The following KPNA4 variants were observed in gnomAD, a reference collection of about 807,000 sequenced individuals.
The protein encoded by KPNA4 is importin subunit alpha-3.
In KPNA4, 13 loss-of-function variants were observed where a neutral mutation model predicts 71.3. The observed-to-expected ratio is 0.18, with a 90% CI of 0.12 to 0.29. The LOEUF (loss-of-function observed/expected upper bound fraction) is 0.29, where lower values mean the gene tolerates loss of function less well. Ranked by LOEUF, KPNA4 falls within the 10% of genes least tolerant of loss-of-function variation. The pLI, the probability that KPNA4 is intolerant of heterozygous loss-of-function variation, is 1.00. For missense variants in KPNA4, 334 were observed against 603.2 expected (o/e 0.55, Z 4.67); for synonymous variants, 189 against 195.2 (o/e 0.97, Z 0.26).
chr3:160,528,391 AGTCTCACTCT>A (rs1345026397), intron 7 of KPNA4, among the ~76,000 whole-genome samples: 1 of 151,556 alleles, frequency 6.6e-6, no homozygotes, highest in Non-Finnish European at 1.5e-5. Flanking sequence ...TTTGAGACGG[AGTCTCACTCT>A]GTCATCCAGG....
intron 1 of KPNA4, among the ~76,000 whole-genome samples, chr3:160,542,495 T>C (rs569253236): frequency 6.6e-5 from 10 of 152,298 alleles, no homozygotes; most frequent in African/African-American, 2.2e-4. Flanking sequence ...TGCCTAACAC[T>C]GTTAAATGCT....
chr3:160,555,542 TTAA>T lies in KPNA4; in HGVS notation c.69+9669_69+9671del, dbSNP rs540411107. Among the ~76,000 whole-genome samples the T allele has an allele frequency of 3.4e-3, 513 of 152,252 alleles. 4 individuals carry two copies. The highest frequency in any genetic ancestry group is 0.01 in the African/African-American group (435 of 41,564). Reference sequence around the variant, plus strand: ...TTTATCAATTAGGCACAGTAAGAGATTAATAATAATAAAATGGAACAATTATAA... The same window carrying T: ...TTTATCAATTAGGCACAGTAAGAGATTAATAATAAAATGGAACAATTATAA... On this transcript the variant is annotated intron_variant, in intron 1 of 16. Coordinates refer to ENST00000334256, the MANE Select transcript of KPNA4 (RefSeq NM_002268.5).
intron 1 of KPNA4, among the ~76,000 whole-genome samples, chr3:160,545,220 CAGAAA>C (rs747732870): frequency 4.6e-5 from 7 of 152,256 alleles, no homozygotes; most frequent in Non-Finnish European, 8.8e-5. Context: ...AACTTAGCAA[CAGAAA>C]AATCTTCATT....
chr3:160,531,352 T>C (rs1721570273), intron 6 of KPNA4, 110 bp downstream of exon 6: 1 of 546,164 alleles, frequency 1.8e-6, no homozygotes, highest in Non-Finnish European at 3.0e-6. Flanking sequence ...TTCAACTCCA[T>C]CCCATAGCCC....
chr3:160,519,429 A>G (rs1477332523), intron 11 of KPNA4, among the ~76,000 whole-genome samples: 1 of 152,224 alleles, frequency 6.6e-6, no homozygotes, highest in African/African-American at 2.4e-5. Context: ...GCAGTAAATA[A>G]AATCCAGATA....
At chr3:160,519,657 C>T (rs376770480) in intron 11 of KPNA4, among the ~76,000 whole-genome samples, 220 of 151,182 alleles carry the variant, frequency 1.5e-3, no homozygotes, top group South Asian at 9.2e-3. Flanking sequence ...TAGCCGGGCG[C>T]GGTGGTGGGC....
Position 160,502,195 on chromosome 3 carries a change from T to C in KPNA4, c.1475A>G (p.Glu492Gly). The C allele has an allele frequency of 6.4e-7, 1 of 1,562,396 alleles. No individual in the cohort carries two copies. ...DQFFSSDDID[E>G]DPSLVPEAIQ... Reference sequence around the variant, plus strand: ...TGCCTCTGGAACAAGGCTAGGGTCTTCATCAATCTAGGTGAAAAAAAAGAA... The same window carrying C: ...TGCCTCTGGAACAAGGCTAGGGTCTCCATCAATCTAGGTGAAAAAAAAGAA... The change falls in exon 17 of 17, where the codon GAA becomes GGA. Residue 492 changes from glutamate (E) to glycine (G), a missense_variant. By Grantham distance (98) the Glu-to-Gly change is moderately conservative. Coordinates refer to ENST00000334256, the MANE Select transcript of KPNA4 (RefSeq NM_002268.5).
chr3:160,546,944 G>T (rs1290643956), intron 1 of KPNA4, among the ~76,000 whole-genome samples: 2 of 152,068 alleles, frequency 1.3e-5, no homozygotes, highest in Non-Finnish European at 2.9e-5. Context: ...GCCCTTCTTT[G>T]GTCTCTTAAG....
At chr3:160,551,420 G>A (rs774252219) in intron 1 of KPNA4, among the ~76,000 whole-genome samples, 5 of 152,304 alleles carry the variant, frequency 3.3e-5, no homozygotes, top group Non-Finnish European at 7.4e-5. Flanking sequence ...TGTGATTAGT[G>A]AAAACTTAAC....
At chr3:160,562,136 G>A (rs1182789238) in intron 1 of KPNA4, among the ~76,000 whole-genome samples, 1 of 152,042 alleles carries the variant, frequency 6.6e-6, no homozygotes, top group East Asian at 1.9e-4. Context: ...CTCTGTACAT[G>A]GGCTGTTCCA....
intron 1 of KPNA4, among the ~76,000 whole-genome samples, chr3:160,560,420 A>C (rs1443988793): frequency 6.6e-6 from 1 of 152,082 alleles, no homozygotes; most frequent in Non-Finnish European, 1.5e-5. Flanking sequence ...AAACTAAATC[A>C]GCGAGTAAGT....
At position 160,508,326 on chromosome 3, in the gene KPNA4, T is replaced by TGAGA; in HGVS notation, c.1210-58_1210-57insTCTC. 3 of 1,256,816 alleles carry TGAGA rather than the reference T, an allele frequency of 2.4e-6. No individual in the cohort carries two copies. The Admixed American group carries it at 8.0e-5, about 33-fold the overall frequency. 77.9% of individuals were successfully genotyped at this position (1,256,816 alleles called of 1,614,324 possible). A position where few individuals can be genotyped will look rare whatever the true frequency, so the allele number is the denominator to read the frequency against. The stretch of plus-strand genomic sequence containing the variant: ...ATATAGGTAAACTTTGTGTGCCATG[T>TGAGA]TATCTCACTGGAATAATTCTGATTT... On this transcript the variant is annotated intron_variant, in intron 14 of 16. Transcript: ENST00000334256.
intron 1 of KPNA4, among the ~76,000 whole-genome samples, chr3:160,557,428 C>T (rs970703366): frequency 2.0e-5 from 3 of 152,126 alleles, no homozygotes; most frequent in Admixed American, 2.0e-4. Flanking sequence ...CTGAGATAGA[C>T]TATGATTTAC....
At position 160,500,764 on chromosome 3, in the gene KPNA4, C is replaced by A. The variant is rs1434866960; in HGVS notation, c.*1340G>T. On this transcript the variant is annotated 3_prime_UTR_variant, in exon 17 of 17. Transcript: ENST00000334256. ...ATTATTAAAGGTGTTCAAACCATTA[C>A]TTGATTTGTACATCTACTCAAACCT... 3.3e-5 allele frequency: 5 copies of A among 152,570 alleles called. No individual in the cohort carries two copies. Among genetic ancestry groups the A allele is most frequent in the Admixed American group, 3.3e-4 (5 of 15,270 alleles). 9.5% of individuals were successfully genotyped at this position (152,570 alleles called of 1,614,324 possible). A position where few individuals can be genotyped will look rare whatever the true frequency, so the allele number is the denominator to read the frequency against.
chr3:160,541,322 GA>G (rs1273574619), intron 1 of KPNA4, among the ~76,000 whole-genome samples: 3 of 151,870 alleles, frequency 2.0e-5, no homozygotes, highest in Non-Finnish European at 4.4e-5. Context: ...TCTCACTAGA[GA>G]AAAATGTTAA....
chr3:160,542,981 A>C (rs1410716560), intron 1 of KPNA4, among the ~76,000 whole-genome samples: 1 of 152,218 alleles, frequency 6.6e-6, no homozygotes, highest in Non-Finnish European at 1.5e-5. Flanking sequence ...GAAAAGGATT[A>C]GAGTTTCACT....
chr3:160,545,879 A>C (rs1322763129), intron 1 of KPNA4, among the ~76,000 whole-genome samples: 1 of 152,230 alleles, frequency 6.6e-6, no homozygotes, highest in African/African-American at 2.4e-5. Context: ...CAAGGAGAGG[A>C]AACAATGATT....
At chr3:160,558,571 T>G (rs140251930) in intron 1 of KPNA4, among the ~76,000 whole-genome samples, 1 of 152,190 alleles carries the variant, frequency 6.6e-6, no homozygotes, top group Non-Finnish European at 1.5e-5. Flanking sequence ...TTTTAACCCC[T>G]ATACTATAAG....
chr3:160,554,961 C>G (rs1220191343), intron 1 of KPNA4, among the ~76,000 whole-genome samples: 1 of 152,200 alleles, frequency 6.6e-6, no homozygotes, highest in Non-Finnish European at 1.5e-5. Context: ...ACCCAAGGAG[C>G]AGGTAGTGCG....
Sources: allele counts gnomAD v4.1 joint callset (sites outside exome capture counted in the v4.1 genomes callset), GRCh38; gene constraint gnomAD v4.1.1; transcripts MANE v1.5; gene names NCBI Gene and HGNC (gene_info 2026-07-23, HGNC 2026-07-21).